The following DLG2 variants were observed in gnomAD, a reference collection of about 807,000 sequenced individuals.
DLG2 encodes discs large MAGUK scaffold protein 2.
A neutral mutation model predicts 132.5 loss-of-function variants in DLG2; 45 were observed. The observed-to-expected ratio is 0.34, with a 90% CI of 0.27 to 0.44. DLG2 has a LOEUF of 0.44. Among genes scored for constraint, DLG2 ranks in the 20% least tolerant of loss-of-function variants. DLG2 has a pLI of 1.00. For missense variants in DLG2, 1,045 were observed against 1,196.9 expected (o/e 0.87, Z 1.87); for synonymous variants, 424 against 419.6 (o/e 1.01, Z -0.13).
chr11:85,589,367 G>A (rs2079168896), intron 3 of DLG2, among the ~76,000 whole-genome samples: 1 of 152,174 alleles, frequency 6.6e-6, no homozygotes, highest in Non-Finnish European at 1.5e-5. Flanking sequence ...ATATAAGCTT[G>A]CCCTAAGTTG....
chr11:85,508,584 CA>C (rs2093987643), intron 3 of DLG2, among the ~76,000 whole-genome samples: 1 of 151,950 alleles, frequency 6.6e-6, no homozygotes, highest in Middle Eastern at 3.2e-3. Flanking sequence ...TCCATAAGAA[CA>C]AGAATTTCAT....
intron 6 of DLG2, among the ~76,000 whole-genome samples, chr11:85,052,297 A>G (rs1566739686): frequency 6.6e-6 from 1 of 152,222 alleles, no homozygotes; most frequent in South Asian, 2.1e-4. Flanking sequence ...AGAAAATTCC[A>G]TTCTGTAATA....
In DLG2 at chr11:83,547,093, C is replaced by T. The variant is rs182741739; in HGVS notation, c.1941-5235G>A. On this transcript the variant is annotated intron_variant, in intron 19 of 27. Coordinates refer to ENST00000376104, the MANE Select transcript of DLG2 (RefSeq NM_001142699.3). ...TTAGACTGAGGTAATATTTAACAATCATGGACCTTAAAAGTATTGGTGTTT... is the reference window on the plus strand; with the variant it reads ...TTAGACTGAGGTAATATTTAACAATTATGGACCTTAAAAGTATTGGTGTTT... 2.6e-5 allele frequency among the ~76,000 whole-genome samples: 4 copies of T among 152,200 alleles called. No homozygotes were observed. The East Asian group carries it at 7.7e-4, about 29-fold the overall frequency.
At chr11:84,753,657 A>G (rs1479011795) in intron 6 of DLG2, among the ~76,000 whole-genome samples, 4 of 152,236 alleles carry the variant, frequency 2.6e-5, no homozygotes, top group African/African-American at 9.6e-5. Flanking sequence ...GGAAAGATGT[A>G]GAAACTGGAG....
At chr11:84,890,205 A>T (rs751058541) in intron 6 of DLG2, among the ~76,000 whole-genome samples, 18 of 152,260 alleles carry the variant, frequency 1.2e-4, no homozygotes, top group Non-Finnish European at 2.2e-4. Context: ...ATCTAAGCTT[A>T]TTTTTTAGTA....
At chr11:84,670,861 A>T (rs2099705090) in intron 6 of DLG2, among the ~76,000 whole-genome samples, 1 of 152,126 alleles carries the variant, frequency 6.6e-6, no homozygotes, top group South Asian at 2.1e-4. Flanking sequence ...ATTTTATCTT[A>T]AAAATTCCTA....
At chr11:83,976,945 G>A (rs1440640621) in intron 12 of DLG2, among the ~76,000 whole-genome samples, 1 of 151,752 alleles carries the variant, frequency 6.6e-6, no homozygotes, top group Non-Finnish European at 1.5e-5. Flanking sequence ...TGATATTGGA[G>A]TAGCATTTCA....
intron 6 of DLG2, among the ~76,000 whole-genome samples, chr11:84,621,124 C>A (rs1351145595): frequency 6.6e-6 from 1 of 152,030 alleles, no homozygotes; most frequent in Non-Finnish European, 1.5e-5. Context: ...GGAAAAGGTA[C>A]CCTCAAAGGT....
At chr11:84,222,286 C>T (rs2096927105) in intron 8 of DLG2, among the ~76,000 whole-genome samples, 2 of 152,194 alleles carry the variant, frequency 1.3e-5, no homozygotes, top group Admixed American at 1.3e-4. Context: ...CCTGCCTTGG[C>T]CTCCCAAAGT....
chr11:84,932,724 GTA>G (rs3066340), intron 6 of DLG2, among the ~76,000 whole-genome samples: 88,276 of 139,268 alleles, frequency 0.63, 26,563 homozygotes, highest in East Asian at 0.92. Context: ...GTATTCCATG[GTA>G]TATATATATA....
At chr11:84,724,006 A>G (rs1465910057) in intron 6 of DLG2, among the ~76,000 whole-genome samples, 4 of 152,170 alleles carry the variant, frequency 2.6e-5, no homozygotes, top group African/African-American at 9.7e-5. Context: ...GGACACAGTA[A>G]GAGGCATTAG....
At chr11:84,811,054 T>C (rs568702560) in intron 6 of DLG2, among the ~76,000 whole-genome samples, 4 of 152,266 alleles carry the variant, frequency 2.6e-5, no homozygotes, top group South Asian at 2.1e-4. Flanking sequence ...GACATTACCA[T>C]TGGGGGAAAC....
intron 10 of DLG2, among the ~76,000 whole-genome samples, chr11:84,075,842 C>T (rs144374381): frequency 2.0e-5 from 3 of 152,268 alleles, no homozygotes; most frequent in African/African-American, 7.2e-5. Context: ...ACTCATGACA[C>T]ATTTTGAGAT....
intron 6 of DLG2, among the ~76,000 whole-genome samples, chr11:84,972,260 T>G (rs1355397300): frequency 6.6e-6 from 1 of 152,164 alleles, no homozygotes; most frequent in East Asian, 1.9e-4. Flanking sequence ...GGCTTGTGTT[T>G]CCAATAGGCT....
intron 18 of DLG2, among the ~76,000 whole-genome samples, chr11:83,721,704 A>G (rs2088613974): frequency 6.6e-6 from 1 of 152,242 alleles, no homozygotes. Context: ...TAGATGCGAC[A>G]ACGAATTATA....
At chr11:83,903,247 T>G (rs2073946728) in intron 15 of DLG2, among the ~76,000 whole-genome samples, 1 of 152,078 alleles carries the variant, frequency 6.6e-6, no homozygotes, top group South Asian at 2.1e-4. Context: ...CCCTAATAAT[T>G]AGACATATAA....
At chr11:84,058,019 A>G (rs376602818) in intron 11 of DLG2, among the ~76,000 whole-genome samples, 46 of 152,242 alleles carry the variant, frequency 3.0e-4, no homozygotes, top group Middle Eastern at 6.8e-3. Context: ...TATGATCCCC[A>G]TTTAATAATG....
intron 3 of DLG2, among the ~76,000 whole-genome samples, chr11:85,545,494 T>C (rs1280540265): frequency 1.3e-5 from 2 of 152,212 alleles, no homozygotes; most frequent in Non-Finnish European, 2.9e-5. Context: ...AGGATGATGC[T>C]GGCCTCATGA....
intron 6 of DLG2, among the ~76,000 whole-genome samples, chr11:85,088,919 G>C (rs2068340212): frequency 6.6e-6 from 1 of 152,034 alleles, no homozygotes; most frequent in South Asian, 2.1e-4. Context: ...AAACCAATCA[G>C]TTATACAAAA....
Sources: allele counts gnomAD v4.1 joint callset (sites outside exome capture counted in the v4.1 genomes callset), GRCh38; gene constraint gnomAD v4.1.1; transcripts MANE v1.5; gene names NCBI Gene and HGNC (gene_info 2026-07-23, HGNC 2026-07-21).